Variants in RGS7 observed in about 807,000 individuals in gnomAD.
The protein encoded by RGS7 is regulator of G protein signaling 7.
Under a neutral mutation model 81.1 loss-of-function variants are expected in RGS7, and 27 were observed. The ratio of observed to expected loss-of-function variants is 0.33; its 90% CI spans 0.25 to 0.46. The LOEUF (loss-of-function observed/expected upper bound fraction) is 0.46. Among genes scored for constraint, RGS7 ranks in the 20% least tolerant of loss-of-function variants. RGS7 has a pLI of 1.00. For synonymous variants in RGS7, 208 were observed against 207.7 expected (o/e 1.00, Z -0.01); for missense variants, 396 against 607.4 (o/e 0.65, Z 3.66).
At chr1:241,016,308 AAGAGAACAAGACCAT>A (rs1426309996) in intron 3 of RGS7, among the ~76,000 whole-genome samples, 3 of 152,178 alleles carry the variant, frequency 2.0e-5, no homozygotes, top group Non-Finnish European at 4.4e-5. Flanking sequence ...TTATGAGGTC[AAGAGAACAAGACCAT>A]CCTGGCCAAC....
chr1:240,957,800 T>TAC (rs1680696727), intron 4 of RGS7, among the ~76,000 whole-genome samples: 1 of 152,230 alleles, frequency 6.6e-6, no homozygotes, highest in African/African-American at 2.4e-5. Flanking sequence ...TACTATTTTG[T>TAC]GATTTTTCTG....
chr1:240,851,131 C>T (rs1381744758), intron 9 of RGS7, among the ~76,000 whole-genome samples: 1 of 152,180 alleles, frequency 6.6e-6, no homozygotes, highest in East Asian at 1.9e-4. Context: ...CATAGCTAGA[C>T]AGGAGAAGTC....
intron 2 of RGS7, among the ~76,000 whole-genome samples, chr1:241,128,105 C>G (rs768501366): frequency 4.0e-4 from 61 of 151,702 alleles, no homozygotes; most frequent in Admixed American, 1.1e-3. Flanking sequence ...GGTGAAACCC[C>G]GTCTCCATTA....
chr1:240,843,753 A>T (rs1449328465), intron 9 of RGS7, among the ~76,000 whole-genome samples: 1 of 152,196 alleles, frequency 6.6e-6, no homozygotes, highest in African/African-American at 2.4e-5. Flanking sequence ...ATTGCTTTTA[A>T]TTTTAATTTA....
chr1:241,043,657 T>C (rs2060750731), intron 3 of RGS7, among the ~76,000 whole-genome samples: 1 of 145,840 alleles, frequency 6.9e-6, no homozygotes, highest in Non-Finnish European at 1.5e-5. Context: ...GTTATATTTA[T>C]ATAATATTAT....
chr1:241,187,937 G>T (rs1294590091), intron 2 of RGS7, among the ~76,000 whole-genome samples: 1 of 152,056 alleles, frequency 6.6e-6, no homozygotes, highest in Non-Finnish European at 1.5e-5. Flanking sequence ...AAGTGGGGTA[G>T]GAAGGGAAGG....
At chr1:240,801,547 G>A (rs1231866568) in intron 16 of RGS7, 39 bp from the exon 17 acceptor site, 3 of 1,387,464 alleles carry the variant, frequency 2.2e-6, no homozygotes, top group South Asian at 1.2e-5. Flanking sequence ...AGGGAAATAA[G>A]GGAAGATTAA....
intron 3 of RGS7, among the ~76,000 whole-genome samples, chr1:241,048,239 T>C (rs191077468): frequency 1.3e-5 from 2 of 152,272 alleles, no homozygotes; most frequent in Admixed American, 1.3e-4. Context: ...ATCAATGATC[T>C]GTAAACCAGG....
Position 240,868,750 on chromosome 1 carries a change from C to T in RGS7, c.527+26G>A, listed in dbSNP as rs1663943058. On this transcript the variant is annotated intron_variant, in intron 8 of 18. Transcript: ENST00000440928. This position sits in a 1 kb window ranked among gnomAD's most constrained non-coding sequence, Gnocchi z 5.1. ...CAAAAAGGCCACAACTGGAACAAAT[C>T]TTCCAAACGACTCACAAGGACTCAC... 6.2e-7 allele frequency: 1 copy of T among 1,613,332 alleles called. No individual in the cohort carries two copies. Among genetic ancestry groups the T allele is most frequent in the African/African-American group, 1.3e-5 (1 of 74,862 alleles).
intron 18 of RGS7, among the ~76,000 whole-genome samples, chr1:240,800,258 C>T (rs16840653): frequency 0.042 from 6,328 of 152,150 alleles, 139 homozygotes; most frequent in East Asian, 0.11. Context: ...TAGTGCCAGC[C>T]AAAATTTCAT....
At position 240,775,843 on chromosome 1, in the gene RGS7, G is replaced by GT. The variant is rs1174432638; in HGVS notation, c.*376dup. 1.0e-5 allele frequency: 3 copies of GT among 296,514 alleles called. No individual in the cohort carries two copies. Among genetic ancestry groups the GT allele is most frequent in the African/African-American group, 6.4e-5 (3 of 46,992 alleles). The allele number at this position is 296,514 out of a possible 1,614,324, so 18.4% of individuals were successfully genotyped here. ...TGACTGACTGAATTTTCAGTGAACT[G>GT]TGTGTCTAACTGAAGCTTTGAGAGA... On this transcript the variant is annotated 3_prime_UTR_variant, in exon 19 of 19. Transcript: ENST00000440928.
chr1:241,150,619 A>C (rs2068678253), intron 2 of RGS7, among the ~76,000 whole-genome samples: 1 of 152,248 alleles, frequency 6.6e-6, no homozygotes, highest in Non-Finnish European at 1.5e-5. Context: ...GGTTTTAGAC[A>C]TCTTGATATG....
chr1:240,795,253 C>T (rs894082169), intron 18 of RGS7, among the ~76,000 whole-genome samples: 2 of 151,600 alleles, frequency 1.3e-5, no homozygotes. Flanking sequence ...AATCATTTGA[C>T]CAGGGACTAA....
chr1:240,895,441 C>A (rs1014873581), intron 6 of RGS7, among the ~76,000 whole-genome samples: 1 of 152,028 alleles, frequency 6.6e-6, no homozygotes, highest in Non-Finnish European at 1.5e-5. Flanking sequence ...CTCCCCCCTC[C>A]TCCACCCCAT....
intron 3 of RGS7, among the ~76,000 whole-genome samples, chr1:240,996,893 C>T (rs1333422433): frequency 6.6e-6 from 1 of 151,740 alleles, no homozygotes; most frequent in Non-Finnish European, 1.5e-5. Flanking sequence ...TTTCTTGTTC[C>T]TGCCTTCCAG....
At chr1:241,327,062 AAGGAAGG>A (rs2081582282) in intron 2 of RGS7, among the ~76,000 whole-genome samples, 1 of 10,706 alleles carries the variant, frequency 9.3e-5, no homozygotes. Context: ...AGGAAGGAAG[AAGGAAGG>A]AAGGAAGGAA....
At chr1:240,924,035 A>G (rs1674015717) in intron 6 of RGS7, among the ~76,000 whole-genome samples, 1 of 152,142 alleles carries the variant, frequency 6.6e-6, no homozygotes, top group South Asian at 2.1e-4. Context: ...TGATCTCTTT[A>G]GTTGGTCATA....
intron 3 of RGS7, among the ~76,000 whole-genome samples, chr1:241,065,157 C>A (rs1284710647): frequency 1.4e-5 from 2 of 147,840 alleles, no homozygotes; most frequent in East Asian, 3.9e-4. Context: ...AAAATGGGGA[C>A]AATAGCAAAA....
intron 4 of RGS7, among the ~76,000 whole-genome samples, chr1:240,969,893 A>G (rs1160227093): frequency 1.3e-5 from 2 of 152,218 alleles, no homozygotes; most frequent in African/African-American, 2.4e-5. Context: ...TTTAAATCAA[A>G]TGTATCTGGG....
Sources: gnomAD v4.1 joint callset for allele counts (sites outside exome capture counted in the v4.1 genomes callset) on GRCh38, gnomAD v4.1.1 for gene constraint, Gnocchi (gnomAD v3.1) non-coding constraint, MANE v1.5 for transcripts, NCBI Gene and HGNC (gene_info 2026-07-23, HGNC 2026-07-21) for gene names.